The following TSR1 variants were observed in gnomAD, a reference collection of about 807,000 sequenced individuals.
TSR1 encodes the protein TSR1 ribosome maturation factor, also known as pre-rRNA-processing protein TSR1 homolog.
In TSR1, 81 loss-of-function variants were observed where a neutral mutation model predicts 90.9. That is an observed-to-expected ratio of 0.89 (90% confidence interval 0.74 to 1.07). The LOEUF is 1.07. Among genes scored for constraint, TSR1 ranks in the 50% least tolerant of loss-of-function variants. TSR1 has a pLI of 0.00. For missense variants in TSR1, 989 were observed against 987.3 expected, an observed-to-expected ratio of 1.00 and a Z score of -0.02; for synonymous variants, 362 against 348.8, an observed-to-expected ratio of 1.04 and a Z score of -0.42.
In TSR1 at chr17:2,335,413, G is replaced by A. The variant is rs376081925; in HGVS notation, c.422-19C>T. 5.1e-5 allele frequency: 82 copies of A among 1,601,280 alleles called. 1 individual carries two copies. Among genetic ancestry groups the A allele is most frequent in the Non-Finnish European group, 6.8e-5 (80 of 1,175,690 alleles). On this transcript the variant is annotated intron_variant, in intron 3 of 14. Transcript: ENST00000301364. ...AGATCCCCTGCAGATAGAAGACACA[G>A]TAAGAAGAGGTGGTTGGCACCAGCA...
At chr17:2,335,881 G>A in intron 2 of TSR1, 151 bp from the exon 3 acceptor site, 1 of 1,263,348 alleles carries the variant, frequency 7.9e-7, no homozygotes, top group Non-Finnish European at 1.1e-6. Context: ...CAGGAATTCT[G>A]ACCAAAGCAA....
At chr17:2,333,986 C>T (rs2064026349) in intron 5 of TSR1, among the ~76,000 whole-genome samples, 1 of 152,114 alleles carries the variant, frequency 6.6e-6, no homozygotes, top group South Asian at 2.1e-4. Context: ...CTTCAAGGTT[C>T]ACATAAACCC....
At chr17:2,324,403 A>C in intron 14 of TSR1, 29 bp from the exon 15 acceptor site, 2 of 1,597,766 alleles carry the variant, frequency 1.3e-6, no homozygotes, top group Non-Finnish European at 1.7e-6. Context: ...AAGTCGGTCA[A>C]ATTAAAAGTA....
intron 11 of TSR1, among the ~76,000 whole-genome samples, chr17:2,326,178 TAAAGG>T (rs1425060966): frequency 1.3e-5 from 2 of 152,010 alleles, no homozygotes; most frequent in African/African-American, 4.8e-5. Flanking sequence ...ATACTAAACT[TAAAGG>T]AAAATAAAAT....
At chr17:2,335,953 C>CT in intron 2 of TSR1, 84 bp downstream of exon 2, 1 of 1,442,022 alleles carries the variant, frequency 6.9e-7, no homozygotes, top group Middle Eastern at 1.8e-4. Flanking sequence ...CTGGACCCTC[C>CT]TCCCGGTCTC....
At chr17:2,324,448 T>C in intron 14 of TSR1, 56 bp downstream of exon 14, 1 of 1,612,512 alleles carries the variant, frequency 6.2e-7, no homozygotes, top group Non-Finnish European at 8.5e-7. Context: ...AACCCAACAG[T>C]CATTTAGCAA....
rs375980768 is a variant in TSR1 at position 2,323,099 on chromosome 17, G to A, written c.*1097C>T. On this transcript the variant is annotated 3_prime_UTR_variant, in exon 15 of 15. Coordinates refer to ENST00000301364, the MANE Select transcript of TSR1 (RefSeq NM_018128.5). Reference sequence around the variant, plus strand: ...TTTTAGACATGCAGGCAATGTTGTGGTTTGTTGTTAAGATGTCTTAATATT... The same window carrying A: ...TTTTAGACATGCAGGCAATGTTGTGATTTGTTGTTAAGATGTCTTAATATT... 1.9e-6 allele frequency: 3 copies of A among 1,603,736 alleles called. No individual in the cohort carries two copies. Among genetic ancestry groups the A allele is most frequent in the Non-Finnish European group, 8.5e-7 (1 of 1,170,768 alleles).
intron 8 of TSR1, among the ~76,000 whole-genome samples, chr17:2,331,548 G>C (rs990801227): frequency 6.6e-6 from 1 of 151,926 alleles, no homozygotes; most frequent in Non-Finnish European, 1.5e-5. Context: ...TACTGCGCTG[G>C]CCGTGTGACA....
intron 11 of TSR1, among the ~76,000 whole-genome samples, 170 bp from the exon 12 acceptor site, chr17:2,325,590 A>C (rs576806086): frequency 6.6e-6 from 1 of 151,814 alleles, no homozygotes; most frequent in African/African-American, 2.4e-5. Context: ...AAAAGATACG[A>C]TCTAGTCCTA....
rs1944633245 is a variant in TSR1, at chr17:2,331,094, T to C, written c.1512A>G (p.Arg504=). The C allele has an allele frequency of 1.9e-6, 3 of 1,580,620 alleles. No homozygotes were observed. The highest frequency in any genetic ancestry group is 2.6e-6 in the Non-Finnish European group (3 of 1,171,108). Residue 504 remains arginine (R), a synonymous_variant, in exon 9 of 15, where the codon AGA becomes AGG. Transcript: ENST00000301364. ...GAGATGTCCGGAAGCTCTTAAGGCC[T>C]CTGTATTTCTGAAATCTAGAATATT... The part of the protein sequence containing the change: ...VAARIRFQKY[R]GLKSFRTSPW...
At position 2,325,357 on chromosome 17, in the gene TSR1, G is replaced by A. The variant is rs1382087368; in HGVS notation, c.1967C>T (p.Ala656Val). 8 of 1,613,466 alleles carry A rather than the reference G, an allele frequency of 5.0e-6. No individual in the cohort carries two copies. The highest frequency in any genetic ancestry group is 1.7e-5 in the Admixed American group (1 of 59,820). ...AGATGCAGGAGGAAAAGTGATTGGC[G>A]CATAGACTGTCGCCACCAGGGCCAT... Reference protein sequence around the residue: ...ADMALVATVYAPITFPPASVL... With the variant: ...ADMALVATVYVPITFPPASVL... Residue 656 changes from alanine to valine, a missense_variant, in exon 12 of 15, where the codon GCG (alanine) becomes GTG (valine). Transcript: ENST00000301364.
chr17:2,325,125 A>C, intron 12 of TSR1, 179 bp downstream of exon 12: 1 of 606,042 alleles, frequency 1.7e-6, no homozygotes, highest in Non-Finnish European at 2.8e-6. Context: ...ACACTGTTTC[A>C]CGTAAAAGTT....
chr17:2,335,315 G>T lies in TSR1; in HGVS notation c.501C>A (p.Asp167Glu). The change falls in exon 4 of 15, where the codon GAC becomes GAA. Residue 167 changes from aspartate (D) to glutamate (E), a missense_variant. Asp to Glu is a conservative substitution (Grantham distance 45, BLOSUM62 2). Transcript: ENST00000301364. Reference protein sequence around the residue: ...LFLLDPLEGWDSTGDYCLSCL... With the variant: ...LFLLDPLEGWESTGDYCLSCL... ...AGGAAAGACAGTAATCACCGGTGCTGTCCCAGCCTTCTAGTGGATCAAGGA... is the reference window on the plus strand; with the variant it reads ...AGGAAAGACAGTAATCACCGGTGCTTTCCCAGCCTTCTAGTGGATCAAGGA... 1 of 1,614,078 alleles carries T rather than the reference G, an allele frequency of 6.2e-7. No homozygotes were observed. The highest frequency in any genetic ancestry group is 8.5e-7 in the Non-Finnish European group (1 of 1,180,022).
At chr17:2,330,426 T>C in intron 10 of TSR1, 89 bp downstream of exon 10, 4 of 1,227,352 alleles carry the variant, frequency 3.3e-6, no homozygotes, top group East Asian at 4.7e-5. Flanking sequence ...ATGAGCAAAA[T>C]TTTAGTCACA....
intron 2 of TSR1, 144 bp from the exon 3 acceptor site, chr17:2,335,874 G>T: frequency 8.0e-7 from 1 of 1,257,394 alleles, no homozygotes; most frequent in Non-Finnish European, 1.1e-6. Context: ...GGGGTGGCAG[G>T]AATTCTGACC....
rs139827934 is a variant in TSR1 at position 2,332,286 on chromosome 17, T to C, written c.1379A>G (p.Asp460Gly). ...IGESVHDDLY[D>G]KKVDEEAEAK... ...CTCAGCTTCTTCATCTACTTTCTTA[T>C]CATACAGATCATCATGCACAGACTC... The change falls in exon 8 of 15, where the codon GAT (aspartate) becomes GGT (glycine). Residue 460 changes from aspartate (D) to glycine (G), a missense_variant. Asp to Gly is a moderately conservative substitution (Grantham distance 94). Transcript: ENST00000301364. The C allele has an allele frequency of 3.3e-5, 54 of 1,614,068 alleles. No homozygotes were observed. The highest frequency in any genetic ancestry group is 3.2e-4 in the African/African-American group (24 of 75,038).
intron 9 of TSR1, 105 bp from the exon 10 acceptor site, chr17:2,330,730 G>A: frequency 2.4e-6 from 3 of 1,262,792 alleles, no homozygotes; most frequent in Non-Finnish European, 3.3e-6. Flanking sequence ...AATTTTTAAA[G>A]CCAACCCTCA....
At chr17:2,330,194 T>G in intron 10 of TSR1, 4 of 485,864 alleles carry the variant, frequency 8.2e-6, no homozygotes, top group Non-Finnish European at 1.6e-5. Flanking sequence ...GTGCTGGGAT[T>G]ACAGGCGTGA....
Position 2,323,679 on chromosome 17 carries a change from A to T in TSR1, c.*517T>A. The T allele has an allele frequency of 6.2e-7, 1 of 1,614,128 alleles. No homozygotes were observed. Among genetic ancestry groups the T allele is most frequent in the South Asian group, 1.1e-5 (1 of 91,078 alleles). On this transcript the variant is annotated 3_prime_UTR_variant, in exon 15 of 15. Coordinates refer to ENST00000301364, the MANE Select transcript of TSR1 (RefSeq NM_018128.5). The stretch of plus-strand genomic sequence containing the variant: ...GTGTGCAACCCAGCTGGTGTGGGAG[A>T]GGATGAAACTACTCATTGAACCTAC...
Sources: gnomAD v4.1 joint callset for allele counts (sites outside exome capture counted in the v4.1 genomes callset) on GRCh38, gnomAD v4.1.1 for gene constraint, MANE v1.5 for transcripts, NCBI Gene and HGNC (gene_info 2026-07-23, HGNC 2026-07-21) for gene names.